Variants in OPCML observed in about 807,000 individuals in gnomAD.
The protein encoded by OPCML is opioid-binding protein/cell adhesion molecule.
Under a neutral mutation model 37.8 loss-of-function variants are expected in OPCML, and 13 were observed. The observed-to-expected ratio is 0.34, with a 90% confidence interval of 0.22 to 0.55. The LOEUF is 0.55. Among genes scored for constraint, OPCML ranks in the 20% least tolerant of loss-of-function variants. OPCML has a pLI of 0.91. For synonymous variants in OPCML, 176 were observed against 168.8 expected, an observed-to-expected ratio of 1.04 and a Z score of -0.33; for missense variants, 341 against 435.6, an observed-to-expected ratio of 0.78 and a Z score of 1.93.
At chr11:133,249,142 G>A (rs1439708161) in intron 1 of OPCML, among the ~76,000 whole-genome samples, 2 of 152,162 alleles carry the variant, frequency 1.3e-5, no homozygotes, top group African/African-American at 4.8e-5. Flanking sequence ...GAGACTGGGG[G>A]TAATTTATAA....
intron 1 of OPCML, among the ~76,000 whole-genome samples, chr11:133,228,198 T>G (rs1027452077): frequency 6.6e-6 from 1 of 152,164 alleles, no homozygotes; most frequent in Non-Finnish European, 1.5e-5. Context: ...GTATACGTCT[T>G]TCACTGGTAC....
intron 1 of OPCML, among the ~76,000 whole-genome samples, chr11:133,425,796 T>C (rs1019379662): frequency 1.2e-4 from 19 of 152,184 alleles, no homozygotes; most frequent in Non-Finnish European, 2.4e-4. Context: ...TAAACACGAA[T>C]ACATTCATCT....
At chr11:133,243,614 A>G (rs1458432208) in intron 1 of OPCML, among the ~76,000 whole-genome samples, 1 of 152,202 alleles carries the variant, frequency 6.6e-6, no homozygotes, top group Non-Finnish European at 1.5e-5. Flanking sequence ...CTGGAAAGAC[A>G]GAGAAGCCAG....
chr11:132,658,450 C>T, intron 2 of OPCML, among the ~76,000 whole-genome samples: 1 of 152,190 alleles, frequency 6.6e-6, no homozygotes, highest in South Asian at 2.1e-4. Context: ...ATGTCAGGAC[C>T]TGGCCAAGTG....
intron 1 of OPCML, among the ~76,000 whole-genome samples, chr11:133,189,301 T>A (rs1026463547): frequency 2.0e-4 from 30 of 152,348 alleles, no homozygotes; most frequent in African/African-American, 7.2e-4. Flanking sequence ...GTAATTGACC[T>A]TAAAGGCTAT....
chr11:132,506,052 A>G (rs192456072), intron 4 of OPCML, among the ~76,000 whole-genome samples: 2 of 152,324 alleles, frequency 1.3e-5, no homozygotes, highest in East Asian at 3.9e-4. Flanking sequence ...TACAATTACA[A>G]CTATCAGAAA....
chr11:133,035,247 A>G (rs1209824899), intron 1 of OPCML, among the ~76,000 whole-genome samples: 1 of 152,214 alleles, frequency 6.6e-6, no homozygotes, highest in Admixed American at 6.5e-5. Flanking sequence ...GGCAGCAGCA[A>G]TGCTGCCTCT....
chr11:133,105,653 T>A (rs572274532), intron 1 of OPCML, among the ~76,000 whole-genome samples: 66 of 151,868 alleles, frequency 4.3e-4, no homozygotes, highest in Non-Finnish European at 6.8e-4. Flanking sequence ...GATTTAGAGG[T>A]TTTTAGCCAG....
intron 1 of OPCML, among the ~76,000 whole-genome samples, chr11:133,306,559 T>C (rs1165576478): frequency 1.3e-5 from 2 of 150,618 alleles, no homozygotes; most frequent in Non-Finnish European, 2.9e-5. Context: ...ATGTGTGAGA[T>C]GTAGTCTCCA....
At chr11:133,327,280 T>C (rs1943497133) in intron 1 of OPCML, among the ~76,000 whole-genome samples, 1 of 151,708 alleles carries the variant, frequency 6.6e-6, no homozygotes, top group South Asian at 2.1e-4. Flanking sequence ...GGTTAGGAAG[T>C]GTTTTTCCTA....
chr11:133,008,397 A>AT (rs767917675), intron 1 of OPCML: 153 of 985,218 alleles, frequency 1.6e-4, no homozygotes, highest in Non-Finnish European at 1.8e-4. Flanking sequence ...GACATCCGAG[A>AT]TTGTGCTCAG....
intron 2 of OPCML, among the ~76,000 whole-genome samples, chr11:132,783,429 A>G (rs1262838807): frequency 6.6e-6 from 1 of 152,202 alleles, no homozygotes; most frequent in Non-Finnish European, 1.5e-5. Context: ...ATTTAAAGAC[A>G]CATCATAACA....
intron 1 of OPCML, among the ~76,000 whole-genome samples, chr11:133,088,928 A>G (rs1279251466): frequency 6.6e-6 from 1 of 152,248 alleles, no homozygotes; most frequent in East Asian, 1.9e-4. Flanking sequence ...AGTGATATCA[A>G]TCATCTATCA....
intron 1 of OPCML, among the ~76,000 whole-genome samples, chr11:133,458,195 T>TAC (rs1374894491): frequency 4.3e-5 from 6 of 138,922 alleles, no homozygotes; most frequent in African/African-American, 1.9e-4. Flanking sequence ...TATACACATA[T>TAC]ATACACGTGT....
chr11:132,775,742 C>G (rs1438277310), intron 2 of OPCML, among the ~76,000 whole-genome samples: 1 of 152,204 alleles, frequency 6.6e-6, no homozygotes, highest in African/African-American at 2.4e-5. Context: ...AACAGCAGAG[C>G]TCCTCAGCCT....
chr11:133,247,355 T>C (rs1940962161), intron 1 of OPCML, among the ~76,000 whole-genome samples: 2 of 152,180 alleles, frequency 1.3e-5, no homozygotes, highest in South Asian at 4.1e-4. Context: ...ATACACCTAC[T>C]ATATATCCTA....
Position 132,417,274 on chromosome 11 carries a change from C to T in OPCML, c.*2919G>A, listed in dbSNP as rs1171917883. ...AAAATGATGGGTGACAGCCACTCTC[C>T]CATGAAGCCATCCCCACCAAAGAAA... On this transcript the variant is annotated 3_prime_UTR_variant, in exon 8 of 8. Transcript: ENST00000524381. The T allele has an allele frequency of 2.0e-5, 3 of 152,192 alleles. No homozygotes were observed. The highest frequency in any genetic ancestry group is 4.8e-5 in the African/African-American group (2 of 41,420). The allele number at this position is 152,192 out of a possible 1,614,324, so 9.4% of individuals were successfully genotyped here.
At chr11:133,048,745 G>T (rs1948071505) in intron 1 of OPCML, among the ~76,000 whole-genome samples, 1 of 152,186 alleles carries the variant, frequency 6.6e-6, no homozygotes, top group Non-Finnish European at 1.5e-5. Context: ...GCCCCAGAGA[G>T]ACACTGTCTT....
chr11:132,655,187 C>T (rs1432846591), intron 3 of OPCML, among the ~76,000 whole-genome samples: 1 of 152,160 alleles, frequency 6.6e-6, no homozygotes, highest in Non-Finnish European at 1.5e-5. Flanking sequence ...CTCTACAGTG[C>T]CTGACAGTTC....
Sources: allele counts gnomAD v4.1 joint callset (sites outside exome capture counted in the v4.1 genomes callset), GRCh38; gene constraint gnomAD v4.1.1; transcripts MANE v1.5; gene names NCBI Gene and HGNC (gene_info 2026-07-23, HGNC 2026-07-21).